PDILT: variants seen among roughly 807,000 people sequenced by gnomAD.
The protein encoded by PDILT is protein disulfide-isomerase-like protein of the testis.
PDILT carries 43 observed loss-of-function variants against 53.7 expected under a neutral mutation model. The observed-to-expected ratio is 0.80, with a 90% CI of 0.63 to 1.03. PDILT has a LOEUF of 1.03. Ranked by LOEUF, PDILT falls within the 50% of genes least tolerant of loss-of-function variation. The pLI, the probability that PDILT is intolerant of heterozygous loss-of-function variation, is 0.00. For missense variants in PDILT, 727 were observed against 712.3 expected (o/e 1.02, Z -0.24); for synonymous variants, 282 against 274.2 (o/e 1.03, Z -0.28).
intron 5 of PDILT, among the ~76,000 whole-genome samples, chr16:20,373,503 C>T (rs1414414089): frequency 6.6e-6 from 1 of 152,216 alleles, no homozygotes; most frequent in Non-Finnish European, 1.5e-5. Flanking sequence ...AACCCAGTCC[C>T]AGGAGATTCA....
At chr16:20,362,328 G>A (rs1966116574) in intron 10 of PDILT, 76 bp downstream of exon 10, 1 of 1,489,562 alleles carries the variant, frequency 6.7e-7, no homozygotes, top group Non-Finnish European at 9.2e-7. Flanking sequence ...AAGCGCAGCT[G>A]GTGGTAGGGA....
chr16:20,368,449 C>T (rs1381968572), intron 8 of PDILT, among the ~76,000 whole-genome samples: 1 of 152,140 alleles, frequency 6.6e-6, no homozygotes, highest in East Asian at 1.9e-4. Context: ...CATGAAAATG[C>T]TGTGCACACG....
At chr16:20,376,262 G>T in intron 3 of PDILT, 61 bp from the exon 4 acceptor site, 1 of 1,593,280 alleles carries the variant, frequency 6.3e-7, no homozygotes, top group Non-Finnish European at 8.6e-7. Context: ...AAAGCAAGAA[G>T]CTGGTCTTTC....
At chr16:20,368,801 C>T (rs1173393146) in intron 8 of PDILT, among the ~76,000 whole-genome samples, 3 of 152,172 alleles carry the variant, frequency 2.0e-5, no homozygotes, top group Non-Finnish European at 2.9e-5. Flanking sequence ...TTGGTATGGC[C>T]TCGAACTCCT....
intron 2 of PDILT, among the ~76,000 whole-genome samples, chr16:20,386,339 G>T (rs752895341): frequency 6.6e-6 from 1 of 152,156 alleles, no homozygotes; most frequent in Non-Finnish European, 1.5e-5. Flanking sequence ...ACTGAGGAAG[G>T]GGGGCTGAGC....
chr16:20,380,539 T>C (rs1966448392), intron 3 of PDILT, among the ~76,000 whole-genome samples: 1 of 152,184 alleles, frequency 6.6e-6, no homozygotes, highest in African/African-American at 2.4e-5. Flanking sequence ...GGTTTCACCA[T>C]CTTGGCCAAG....
At chr16:20,399,065 T>C (rs1966696056) in intron 2 of PDILT, 34 bp downstream of exon 2, 3 of 1,612,482 alleles carry the variant, frequency 1.9e-6, no homozygotes, top group African/African-American at 1.3e-5. Flanking sequence ...CCTCATCCCA[T>C]CTATCATCCA....
chr16:20,387,037 T>C (rs548782364), intron 2 of PDILT, among the ~76,000 whole-genome samples: 8 of 152,144 alleles, frequency 5.3e-5, no homozygotes, highest in Non-Finnish European at 8.8e-5. Context: ...CCTATGATAA[T>C]AGTAATGGAG....
At chr16:20,361,016 A>G (rs1035114313) in intron 10 of PDILT, among the ~76,000 whole-genome samples, 5 of 152,218 alleles carry the variant, frequency 3.3e-5, no homozygotes, top group Non-Finnish European at 7.3e-5. Flanking sequence ...TATAAGGATT[A>G]AATGAGGTAA....
rs190535676 is a variant in PDILT at position 20,391,634 on chromosome 16, A to G, written c.203-6783T>C. ...TCATCTATTCATTCATTTAACATCT[A>G]TGGAAGCCTACCATGCTCCAAGCAC... On this transcript the variant is annotated intron_variant, in intron 2 of 11. Transcript: ENST00000302451. Among the ~76,000 whole-genome samples the G allele has an allele frequency of 4.6e-5, 7 of 152,212 alleles. No homozygotes were observed. The East Asian group carries it at 1.2e-3, about 25-fold the overall frequency.
At chr16:20,376,334 T>C (rs747061349) in intron 3 of PDILT, 133 bp from the exon 4 acceptor site, 347 of 974,790 alleles carry the variant, frequency 3.6e-4, no homozygotes, top group Non-Finnish European at 4.6e-4. Flanking sequence ...CCAAAGTCAG[T>C]TCCTCCATTC....
chr16:20,373,849 T>C lies in PDILT; in HGVS notation c.682-727A>G, dbSNP rs113615015. Among the ~76,000 whole-genome samples the C allele has an allele frequency of 6.6e-5, 10 of 152,390 alleles. 1 individual carries two copies. Among genetic ancestry groups the C allele is most frequent in the African/African-American group, 2.2e-4 (9 of 41,596 alleles). The stretch of plus-strand genomic sequence containing the variant: ...TGCTGGAGTCTGTCTGAGCCTACTC[T>C]GGCTTGGGAGGCTGCCTGATTCATG... On this transcript the variant is annotated intron_variant, in intron 5 of 11. Transcript: ENST00000302451.
Position 20,399,166 on chromosome 16 carries a change from G to A in PDILT, c.135C>T (p.Leu45=), listed in dbSNP as rs7185940. The A allele has an allele frequency of 0.3, 476,439 of 1,613,924 alleles. 72,700 individuals are homozygous for A. Among genetic ancestry groups the A allele is most frequent in the African/African-American group, 0.43 (32,466 of 74,944 alleles). The change falls in exon 2 of 12, where the codon CTC becomes CTT. Residue 45 remains leucine, a synonymous_variant. Coordinates refer to ENST00000302451, the MANE Select transcript of PDILT (RefSeq NM_174924.2). ...KPVHILEERS[L]LVLTPAGLTQ... is the part of the protein sequence containing the mutation. Reference sequence around the variant, plus strand: ...TCAGGCCAGCGGGCGTTAGCACTAGGAGACTGCGTTCCTCCAGGATGTGCA... The same window carrying A: ...TCAGGCCAGCGGGCGTTAGCACTAGAAGACTGCGTTCCTCCAGGATGTGCA...
At chr16:20,365,710 A>G (rs754912427) in intron 8 of PDILT, among the ~76,000 whole-genome samples, 170 bp from the exon 9 acceptor site, 1 of 152,122 alleles carries the variant, frequency 6.6e-6, no homozygotes, top group Non-Finnish European at 1.5e-5. Flanking sequence ...TCAACCCTGG[A>G]TGGTTCAGGG....
rs555399034 is a variant in PDILT, at chr16:20,378,929, C to T, written c.410-2728G>A. Among the ~76,000 whole-genome samples the T allele has an allele frequency of 2.0e-5, 3 of 152,138 alleles. No homozygotes were observed. In the South Asian group the frequency reaches 6.2e-4, roughly 32 times the overall value. On this transcript the variant is annotated intron_variant, in intron 3 of 11. Transcript: ENST00000302451. The stretch of plus-strand genomic sequence containing the variant: ...AGATTCAGCCACAGTTTTTCATGTA[C>T]TTGAAGATTCATTTCCACTGCTGTG...
In PDILT at chr16:20,365,456, C is replaced by T. The variant is rs144908632; in HGVS notation, c.1201G>A (p.Val401Ile). Residue 401 changes from valine (V) to isoleucine (I), a missense_variant, in exon 9 of 12, where the codon GTC becomes ATC. Physicochemically the swap from Val to Ile is conservative, Grantham distance 29. Coordinates refer to ENST00000302451, the MANE Select transcript of PDILT (RefSeq NM_174924.2). ...AATACGTCCTTTTCTTTGTCAAAGA[C>T]GACTACGTTGAAGTTCTTCCCCACG... ...QLVGKNFNVV[V>I]FDKEKDVFVM... 4.2e-4 allele frequency: 677 copies of T among 1,614,026 alleles called. 3 individuals carry two copies. The highest frequency in any genetic ancestry group is 3.6e-3 in the African/African-American group (267 of 75,042).
At position 20,374,766 on chromosome 16, in the gene PDILT, C is replaced by T. The variant is rs150735048; in HGVS notation, c.681+56G>A. 3.4e-4 allele frequency: 526 copies of T among 1,548,734 alleles called. 1 individual carries two copies. The African/African-American group carries it at 4.0e-3, about 12-fold the overall frequency. On this transcript the variant is annotated intron_variant, in intron 5 of 11. Coordinates refer to ENST00000302451, the MANE Select transcript of PDILT (RefSeq NM_174924.2). ...CCAGAATTTGTACCCAAAGCTCATA[C>T]GATTCCACTACTTTGAACCAGAGAC...
At position 20,379,983 on chromosome 16, in the gene PDILT, G is replaced by A. The variant is rs567517530; in HGVS notation, c.410-3782C>T. 2.6e-5 allele frequency among the ~76,000 whole-genome samples: 4 copies of A among 152,294 alleles called. No individual in the cohort carries two copies. In the East Asian group the frequency reaches 7.7e-4, roughly 29 times the overall value. ...TGGAAACAAATGGTTTCTCTTATAT[G>A]CTTTTGTCTGGCAAAAGTATATTGT... On this transcript the variant is annotated intron_variant, in intron 3 of 11. Coordinates refer to ENST00000302451, the MANE Select transcript of PDILT (RefSeq NM_174924.2).
At chr16:20,388,008 G>A (rs992424879) in intron 2 of PDILT, among the ~76,000 whole-genome samples, 4 of 152,164 alleles carry the variant, frequency 2.6e-5, no homozygotes, top group South Asian at 2.1e-4. Flanking sequence ...CAGGAGAGTG[G>A]TAATGGAGGG....
Sources: gnomAD v4.1 joint callset for allele counts (sites outside exome capture counted in the v4.1 genomes callset) on GRCh38, gnomAD v4.1.1 for gene constraint, MANE v1.5 for transcripts, NCBI Gene and HGNC (gene_info 2026-07-23, HGNC 2026-07-21) for gene names.